The following ZBTB34 variants were observed in gnomAD, a reference collection of about 807,000 sequenced individuals.
The protein encoded by ZBTB34 is zinc finger and BTB domain-containing protein 34.
Under a neutral mutation model 33.4 loss-of-function variants are expected in ZBTB34, and 1 was observed. The observed-to-expected ratio is 0.03, with a 90% CI of 0.01 to 0.14. The LOEUF is 0.14. Ranked by LOEUF, ZBTB34 falls within the 10% of genes least tolerant of loss-of-function variation. The pLI, the probability that ZBTB34 is intolerant of heterozygous loss-of-function variation, is 1.00. For synonymous variants in ZBTB34, 283 were observed against 253.5 expected (o/e 1.12, Z -1.11); for missense variants, 406 against 657.2 (o/e 0.62, Z 4.18).
At chr9:126,862,100 C>T (rs2033149859) in intron 1 of ZBTB34, among the ~76,000 whole-genome samples, 1 of 152,086 alleles carries the variant, frequency 6.6e-6, no homozygotes, top group African/African-American at 2.4e-5. Flanking sequence ...ATGGAGGTCA[C>T]TGTAGGCCGA....
intron 1 of ZBTB34, among the ~76,000 whole-genome samples, chr9:126,873,317 G>A (rs1358151904): frequency 6.6e-6 from 1 of 152,088 alleles, no homozygotes; most frequent in Non-Finnish European, 1.5e-5. Context: ...AGGCTGGAGG[G>A]TAGTGGCACA....
At chr9:126,865,144 C>G (rs2033184191) in intron 1 of ZBTB34, among the ~76,000 whole-genome samples, 1 of 152,180 alleles carries the variant, frequency 6.6e-6, no homozygotes, top group African/African-American at 2.4e-5. Context: ...GCAAATTAGA[C>G]TGTTTATGGG....
intron 1 of ZBTB34, 134 bp downstream of exon 1, chr9:126,860,873 C>A (rs1588381479): frequency 6.7e-6 from 1 of 148,384 alleles, no homozygotes; most frequent in Admixed American, 6.7e-5. Flanking sequence ...AGCCTCCGCG[C>A]CTGGTCAGTC....
chr9:126,875,257 A>G (rs1241968165), intron 1 of ZBTB34, among the ~76,000 whole-genome samples: 1 of 152,114 alleles, frequency 6.6e-6, no homozygotes, highest in Non-Finnish European at 1.5e-5. Flanking sequence ...AAATATTACT[A>G]CAATTTATTT....
At chr9:126,862,583 C>T (rs1203151464) in intron 1 of ZBTB34, among the ~76,000 whole-genome samples, 3 of 152,218 alleles carry the variant, frequency 2.0e-5, no homozygotes, top group African/African-American at 7.2e-5. Flanking sequence ...GTTGTTCCCC[C>T]TTCTGAAGCA....
exon 2 of ZBTB34, chr9:126,885,148 C>A (rs532404655): frequency 6.0e-6 from 1 of 167,154 alleles, no homozygotes; most frequent in South Asian, 2.1e-4. Flanking sequence ...TCACATGCGT[C>A]TTTTTCAGTA....
chr9:126,872,718 C>T (rs982569619), intron 1 of ZBTB34, among the ~76,000 whole-genome samples: 3 of 152,304 alleles, frequency 2.0e-5, no homozygotes, highest in Non-Finnish European at 1.5e-5. Flanking sequence ...TGTAAGTTCA[C>T]TATGTGCCAG....
At chr9:126,874,905 A>G (rs930238681) in intron 1 of ZBTB34, among the ~76,000 whole-genome samples, 9 of 152,232 alleles carry the variant, frequency 5.9e-5, no homozygotes, top group African/African-American at 2.2e-4. Context: ...AGCTTTTATC[A>G]TGGTTTATGA....
At chr9:126,866,535 A>G (rs1427009695) in intron 1 of ZBTB34, among the ~76,000 whole-genome samples, 1 of 152,018 alleles carries the variant, frequency 6.6e-6, no homozygotes, top group Non-Finnish European at 1.5e-5. Flanking sequence ...TCCCTTTGAA[A>G]TGCAAGGCCT....
chr9:126,867,430 C>CT (rs1012643344), intron 1 of ZBTB34, among the ~76,000 whole-genome samples: 1 of 135,724 alleles, frequency 7.4e-6, no homozygotes, highest in Non-Finnish European at 1.6e-5. Flanking sequence ...ATCTTTGCTT[C>CT]TTTTTTTGTC....
exon 2 of ZBTB34, chr9:126,885,622 AATG>A (rs1482421979): frequency 6.0e-6 from 1 of 167,106 alleles, no homozygotes; most frequent in African/African-American, 2.4e-5. Context: ...ATATGAAGTA[AATG>A]AAGCTAGCTA....
chr9:126,883,198 A>AT (rs59456476), exon 2 of ZBTB34: 102 of 165,304 alleles, frequency 6.2e-4, no homozygotes, highest in African/African-American at 2.4e-3. Flanking sequence ...TTTGGTTTTG[A>AT]TTTTTTTTTA....
intron 1 of ZBTB34, among the ~76,000 whole-genome samples, chr9:126,874,564 A>G (rs1334444919): frequency 6.6e-6 from 1 of 152,066 alleles, no homozygotes; most frequent in African/African-American, 2.4e-5. Context: ...ATTAATTCAA[A>G]TTCTCTAAGC....
exon 2 of ZBTB34, chr9:126,884,098 A>G (rs759004804): frequency 6.0e-6 from 1 of 167,194 alleles, no homozygotes; most frequent in Non-Finnish European, 1.5e-5. Context: ...TGATATGTGA[A>G]GAAATCTTTT....
rs1564224268 is a variant in ZBTB34 at position 126,876,153 on chromosome 9, CCCTTCCGT to C, written c.-10-3230_-10-3223del. On this transcript the variant is annotated intron_variant, in intron 1 of 1. Transcript: ENST00000319119. ...CATCATGTTTCCTTTTTTTTTTTTT[CCCTTCCGT>C]CCTTCCCCCCTTCCCCCCTTTCCCC... 2.0e-4 allele frequency among the ~76,000 whole-genome samples: 21 copies of C among 103,734 alleles called. No individual in the cohort carries two copies. The East Asian group carries it at 4.4e-3, about 22-fold the overall frequency. The allele number at this position is 103,734 out of a possible 152,430, so 68.1% of individuals were successfully genotyped here. A position where few individuals can be genotyped will look rare whatever the true frequency, so the allele number is the denominator to read the frequency against.
chr9:126,882,931 G>C (rs2033463939), exon 2 of ZBTB34: 1 of 167,056 alleles, frequency 6.0e-6, no homozygotes, highest in South Asian at 2.1e-4. Flanking sequence ...CTACACATCA[G>C]TGTTAACTCC....
chr9:126,866,460 G>C (rs1410325577), intron 1 of ZBTB34, among the ~76,000 whole-genome samples: 3 of 152,128 alleles, frequency 2.0e-5, no homozygotes, highest in African/African-American at 4.8e-5. Flanking sequence ...CTCTACCCCA[G>C]ACGCTGTTTG....
chr9:126,872,330 C>A (rs2033291631), intron 1 of ZBTB34, among the ~76,000 whole-genome samples: 1 of 152,154 alleles, frequency 6.6e-6, no homozygotes, highest in Non-Finnish European at 1.5e-5. Context: ...GGGAGGATAG[C>A]TTGGGCCTAG....
At chr9:126,876,960 T>C (rs1196050909) in intron 1 of ZBTB34, among the ~76,000 whole-genome samples, 1 of 152,186 alleles carries the variant, frequency 6.6e-6, no homozygotes, top group Non-Finnish European at 1.5e-5. Context: ...AGCCTTAGAT[T>C]TAGTTGCACG....
Sources: gnomAD v4.1 joint callset for allele counts (sites outside exome capture counted in the v4.1 genomes callset) on GRCh38, gnomAD v4.1.1 for gene constraint, MANE v1.5 for transcripts, NCBI Gene and HGNC (gene_info 2026-07-23, HGNC 2026-07-21) for gene names.